Variants in PCDHA13 observed in about 807,000 individuals in gnomAD.
PCDHA13 encodes the protein protocadherin alpha-13.
A neutral mutation model predicts 64.8 loss-of-function variants in PCDHA13; 54 were observed. The ratio of observed to expected loss-of-function variants is 0.83; its 90% CI spans 0.67 to 1.04. The LOEUF is 1.04. Ranked by LOEUF, PCDHA13 falls within the 50% of genes least tolerant of loss-of-function variation. PCDHA13 has a pLI of 0.00. For synonymous variants in PCDHA13, 587 were observed against 564.4 expected, an observed-to-expected ratio of 1.04 and a Z score of -0.57; for missense variants, 1,248 against 1,254.3, an observed-to-expected ratio of 0.99 and a Z score of 0.08.
chr5:140,889,893 C>A (rs1275511475), intron 1 of PCDHA13, among the ~76,000 whole-genome samples: 2 of 152,158 alleles, frequency 1.3e-5, no homozygotes, highest in Admixed American at 1.3e-4. Flanking sequence ...AGAATTCTGA[C>A]TACCTTGAGA....
chr5:140,960,849 A>G (rs1347970743), intron 1 of PCDHA13, among the ~76,000 whole-genome samples: 10 of 152,220 alleles, frequency 6.6e-5, no homozygotes, highest in African/African-American at 2.2e-4. Context: ...TTTAATGGCA[A>G]CTATAAGCCA....
intron 1 of PCDHA13, among the ~76,000 whole-genome samples, chr5:140,974,875 A>G (rs934874769): frequency 1.6e-4 from 24 of 152,174 alleles, no homozygotes; most frequent in Non-Finnish European, 1.9e-4. Context: ...GGAACAGTCT[A>G]TGTATCCCTT....
chr5:140,891,591 A>T (rs782194139), intron 1 of PCDHA13, among the ~76,000 whole-genome samples: 1 of 152,092 alleles, frequency 6.6e-6, no homozygotes, highest in Non-Finnish European at 1.5e-5. Flanking sequence ...TTATTACTCT[A>T]TCCCATCTAT....
At position 140,957,560 on chromosome 5, in the gene PCDHA13, G is replaced by A. The variant is rs940495695; in HGVS notation, c.2395-21389G>A. ...TTAGAAAGTATTCTCTGTGGAAAAGGAGGGACTACTGTACTTTTAACAAAG... is the reference window on the plus strand; with the variant it reads ...TTAGAAAGTATTCTCTGTGGAAAAGAAGGGACTACTGTACTTTTAACAAAG... On this transcript the variant is annotated intron_variant, in intron 1 of 3. Transcript: ENST00000289272. 2.0e-5 allele frequency among the ~76,000 whole-genome samples: 3 copies of A among 152,074 alleles called. No homozygotes were observed. In the East Asian group the frequency reaches 5.8e-4, roughly 29 times the overall value.
At chr5:141,008,299 C>T (rs1223779122) in intron 3 of PCDHA13, among the ~76,000 whole-genome samples, 2 of 152,120 alleles carry the variant, frequency 1.3e-5, no homozygotes, top group Non-Finnish European at 2.9e-5. Flanking sequence ...TGTACCCAAC[C>T]CTAAACTGTA....
intron 1 of PCDHA13, among the ~76,000 whole-genome samples, chr5:140,890,662 C>G (rs75284753): frequency 3.3e-5 from 5 of 152,136 alleles, no homozygotes; most frequent in South Asian, 2.1e-4. Flanking sequence ...CAAAAGTTAA[C>G]TGAAACCCTT....
rs782681619 is a variant in PCDHA13, at chr5:141,009,600, A to G, written c.2543-27A>G. On this transcript the variant is annotated intron_variant, in intron 3 of 3. Coordinates refer to ENST00000289272, the MANE Select transcript of PCDHA13 (RefSeq NM_018904.3). ...ATCAAGAGCATGTGTTGACCCTGTT[A>G]ATGATTTGTAATGTTTTGTCTTTCA... The G allele has an allele frequency of 1.9e-6, 3 of 1,607,002 alleles. No individual in the cohort carries two copies. In the Admixed American group the frequency reaches 5.0e-5, roughly 27 times the overall value.
chr5:140,955,951 T>C (rs529805581), intron 1 of PCDHA13, among the ~76,000 whole-genome samples: 12 of 152,248 alleles, frequency 7.9e-5, no homozygotes, highest in South Asian at 2.1e-4. Context: ...GTCTACTTGC[T>C]TGTTGTTTGT....
rs201969686 is a variant in PCDHA13, at chr5:140,898,775, T to A, written c.2394+14113T>A. ...GATGGCATTGAATCTGTAAATTACC[T>A]TGGGCAGTATGGCCATTTTCACGAT... On this transcript the variant is annotated intron_variant, in intron 1 of 3. Coordinates refer to ENST00000289272, the MANE Select transcript of PCDHA13 (RefSeq NM_018904.3). 9.9e-4 allele frequency among the ~76,000 whole-genome samples: 151 copies of A among 152,312 alleles called. 1 individual carries two copies. The East Asian group carries it at 0.026, about 26-fold the overall frequency.
chr5:140,986,461 C>T (rs1554248079), intron 3 of PCDHA13, among the ~76,000 whole-genome samples: 1 of 152,154 alleles, frequency 6.6e-6, no homozygotes. Context: ...TTAATGAATG[C>T]CCTCTTGTGA....
chr5:140,896,560 A>G (rs1583236503), intron 1 of PCDHA13, among the ~76,000 whole-genome samples: 2 of 150,934 alleles, frequency 1.3e-5, no homozygotes, highest in African/African-American at 4.9e-5. Flanking sequence ...TATTTTAAGT[A>G]GAGATGGGGT....
chr5:141,009,999 G>A lies in PCDHA13; in HGVS notation c.*62G>A. 1 of 1,575,110 alleles carries A rather than the reference G, an allele frequency of 6.3e-7. No individual in the cohort carries two copies. The highest frequency in any genetic ancestry group is 1.2e-5 in the South Asian group (1 of 82,646). On this transcript the variant is annotated 3_prime_UTR_variant, in exon 4 of 4. Coordinates refer to ENST00000289272, the MANE Select transcript of PCDHA13 (RefSeq NM_018904.3). ...TGTAATAATGGCAAATCTCTCCCAT[G>A]TAGCAATTCCCTGCTCCTTTTTCCT...
intron 1 of PCDHA13, chr5:140,968,774 C>G: frequency 6.2e-7 from 1 of 1,614,206 alleles, no homozygotes; most frequent in Non-Finnish European, 8.5e-7. Flanking sequence ...AGAGCCATCA[C>G]TATCAGCCTC....
Position 140,884,053 on chromosome 5 carries a change from C to G in PCDHA13, c.1785C>G (p.Arg595=), listed in dbSNP as rs782043806. The change falls in exon 1 of 4, where the codon CGC becomes CGG. Residue 595 remains arginine (R), a synonymous_variant. Transcript: ENST00000289272. ...VGAGHVVAKV[R]AVDADSGYNA... Reference sequence around the variant, plus strand: ...CAGGCCACGTGGTGGCGAAGGTGCGCGCGGTGGACGCCGATTCGGGCTACA... The same window carrying G: ...CAGGCCACGTGGTGGCGAAGGTGCGGGCGGTGGACGCCGATTCGGGCTACA... 1 of 1,613,496 alleles carries G rather than the reference C, an allele frequency of 6.2e-7. No individual in the cohort carries two copies. Among genetic ancestry groups the G allele is most frequent in the Admixed American group, 1.7e-5 (1 of 60,000 alleles).
chr5:140,887,251 C>G (rs2153419046), intron 1 of PCDHA13, among the ~76,000 whole-genome samples: 1 of 152,162 alleles, frequency 6.6e-6, no homozygotes. Context: ...CGCCCGCCAC[C>G]ACGCCCTGCT....
At position 140,882,490 on chromosome 5, in the gene PCDHA13, T is replaced by C; in HGVS notation, c.222T>C (p.Leu74=). 6.2e-7 allele frequency: 1 copy of C among 1,614,024 alleles called. No individual in the cohort carries two copies. The highest frequency in any genetic ancestry group is 8.5e-7 in the Non-Finnish European group (1 of 1,180,026). The part of the protein sequence containing the change: ...FRVASKRHGD[L]LEVNLQNGIL... ...TGGCGTCCAAAAGACACGGGGACCT[T>C]CTGGAGGTAAATCTGCAGAATGGCA... Residue 74 remains leucine, a synonymous_variant, in exon 1 of 4, where the codon CTT becomes CTC. Coordinates refer to ENST00000289272, the MANE Select transcript of PCDHA13 (RefSeq NM_018904.3).
intron 1 of PCDHA13, among the ~76,000 whole-genome samples, chr5:140,913,185 G>A (rs1331767738): frequency 2.6e-5 from 4 of 152,166 alleles, no homozygotes; most frequent in African/African-American, 9.7e-5. Flanking sequence ...TAAATGTTTG[G>A]TAGAATTTGG....
intron 3 of PCDHA13, 22 bp downstream of exon 3, chr5:140,982,585 ATTCT>A: frequency 6.2e-7 from 1 of 1,611,974 alleles, no homozygotes; most frequent in Non-Finnish European, 8.5e-7. Flanking sequence ...GGGTCTCTCC[ATTCT>A]TTCTTGGTTT....
At chr5:140,910,482 C>T (rs1439012617) in intron 1 of PCDHA13, among the ~76,000 whole-genome samples, 3 of 152,178 alleles carry the variant, frequency 2.0e-5, no homozygotes, top group African/African-American at 7.2e-5. Flanking sequence ...ATCTGGCATA[C>T]AGAGAAGAGC....
Sources: gnomAD v4.1 joint callset for allele counts (sites outside exome capture counted in the v4.1 genomes callset) on GRCh38, gnomAD v4.1.1 for gene constraint, MANE v1.5 for transcripts, NCBI Gene and HGNC (gene_info 2026-07-23, HGNC 2026-07-21) for gene names.